The following FRMD4A variants were observed in gnomAD, a reference collection of about 807,000 sequenced individuals.
FRMD4A encodes the protein FERM domain containing 4A, also known as FERM domain-containing protein 4A.
In FRMD4A, 29 loss-of-function variants were observed where a neutral mutation model predicts 129.1. That is an observed-to-expected ratio of 0.22 (90% CI 0.17 to 0.31). The LOEUF (loss-of-function observed/expected upper bound fraction) is 0.31. FRMD4A is among the 10% of genes least tolerant of loss of function. FRMD4A has a pLI of 1.00. For synonymous variants in FRMD4A, 634 were observed against 571.6 expected, an observed-to-expected ratio of 1.11 and a Z score of -1.56; for missense variants, 1,272 against 1,375.8, an observed-to-expected ratio of 0.92 and a Z score of 1.19.
At chr10:14,101,442 T>C (rs1837296380) in intron 2 of FRMD4A, among the ~76,000 whole-genome samples, 2 of 152,190 alleles carry the variant, frequency 1.3e-5, no homozygotes, top group Admixed American at 1.3e-4. Flanking sequence ...CCCTAGATAC[T>C]CACCATTGGC....
chr10:14,055,716 G>A (rs1443005226), intron 2 of FRMD4A, among the ~76,000 whole-genome samples: 1 of 152,138 alleles, frequency 6.6e-6, no homozygotes, highest in African/African-American at 2.4e-5. Context: ...GTCCATAGTA[G>A]GTGTATATAT....
intron 2 of FRMD4A, among the ~76,000 whole-genome samples, chr10:13,910,905 A>G (rs2094934431): frequency 7.8e-5 from 1 of 12,884 alleles, no homozygotes; most frequent in Non-Finnish European, 2.4e-4. Flanking sequence ...AAAAAAAAAA[A>G]AAAAAAAAAA....
At chr10:13,931,560 C>T (rs2095195235) in intron 2 of FRMD4A, among the ~76,000 whole-genome samples, 1 of 152,128 alleles carries the variant, frequency 6.6e-6, no homozygotes, top group Non-Finnish European at 1.5e-5. Context: ...TGCTACTACC[C>T]TGTGCAGTAA....
intron 2 of FRMD4A, among the ~76,000 whole-genome samples, chr10:14,252,345 T>C (rs1170652031): frequency 1.3e-5 from 2 of 152,208 alleles, no homozygotes; most frequent in African/African-American, 2.4e-5. Flanking sequence ...TTTTTGCCAA[T>C]TGGACAAAAG....
At chr10:13,959,292 T>G (rs961921788) in intron 2 of FRMD4A, among the ~76,000 whole-genome samples, 1 of 151,926 alleles carries the variant, frequency 6.6e-6, no homozygotes, top group African/African-American at 2.4e-5. Flanking sequence ...ACCAATATGG[T>G]GAAACCCTAT....
intron 12 of FRMD4A, among the ~76,000 whole-genome samples, chr10:13,714,050 A>ATAAAATATATATT (rs2088504809): frequency 6.1e-5 from 2 of 32,890 alleles, no homozygotes; most frequent in Non-Finnish European, 1.2e-4. Context: ...ATATATATAT[A>ATAAAATATATATT]TATATATATA....
chr10:13,968,988 T>C (rs1238200602), intron 2 of FRMD4A, among the ~76,000 whole-genome samples: 1 of 152,206 alleles, frequency 6.6e-6, no homozygotes, highest in East Asian at 1.9e-4. Flanking sequence ...GGCCCATGTA[T>C]TATTACAGAT....
At chr10:13,968,272 G>A (rs1466147809) in intron 2 of FRMD4A, among the ~76,000 whole-genome samples, 2 of 152,122 alleles carry the variant, frequency 1.3e-5, no homozygotes, top group Admixed American at 6.5e-5. Flanking sequence ...ATCAGCCATC[G>A]CCTTAGCCAA....
At chr10:13,862,004 T>G (rs2094301377) in intron 2 of FRMD4A, among the ~76,000 whole-genome samples, 1 of 152,210 alleles carries the variant, frequency 6.6e-6, no homozygotes, top group African/African-American at 2.4e-5. Context: ...CGAGCTACGC[T>G]GATTCAGTTC....
chr10:14,064,505 C>G (rs1004551546), intron 2 of FRMD4A, among the ~76,000 whole-genome samples: 1 of 152,218 alleles, frequency 6.6e-6, no homozygotes, highest in Non-Finnish European at 1.5e-5. Context: ...TCTGCGTGAA[C>G]TTTTCCAGGC....
chr10:14,077,550 C>G lies in FRMD4A; in HGVS notation c.46-218638G>C, dbSNP rs890124127. Among the ~76,000 whole-genome samples the G allele has an allele frequency of 1.6e-4, 25 of 152,250 alleles. 1 individual carries two copies. Among genetic ancestry groups the G allele is most frequent in the Admixed American group, 1.4e-3 (22 of 15,292 alleles). On this transcript the variant is annotated intron_variant, in intron 2 of 24. Coordinates refer to ENST00000357447, the MANE Select transcript of FRMD4A (RefSeq NM_018027.5). ...TTATTATTAGTATTGGCAAAAATGT[C>G]CATTTCTGCACCCCCTTCCATTTGA... is the stretch of plus-strand genomic sequence containing the variant.
chr10:14,091,537 G>A (rs1024289552), intron 2 of FRMD4A, among the ~76,000 whole-genome samples: 2 of 152,118 alleles, frequency 1.3e-5, no homozygotes, highest in African/African-American at 4.8e-5. Context: ...GGGTTTAAGC[G>A]ATCCTTCTGC....
chr10:13,900,688 G>A (rs2094809460), intron 2 of FRMD4A, among the ~76,000 whole-genome samples: 1 of 152,088 alleles, frequency 6.6e-6, no homozygotes, highest in Non-Finnish European at 1.5e-5. Context: ...ATTGAGGTCA[G>A]GAGTTTGAGA....
intron 2 of FRMD4A, among the ~76,000 whole-genome samples, chr10:13,929,576 A>C (rs1179215477): frequency 1.3e-5 from 2 of 152,180 alleles, no homozygotes; most frequent in Non-Finnish European, 2.9e-5. Context: ...TAAAACCTGG[A>C]ATTTAGGCTT....
chr10:14,014,439 G>A (rs963911458), intron 2 of FRMD4A, among the ~76,000 whole-genome samples: 1 of 152,144 alleles, frequency 6.6e-6, no homozygotes, highest in African/African-American at 2.4e-5. Flanking sequence ...AAAATTCCTA[G>A]AGCAGGAGGG....
At position 13,810,813 on chromosome 10, in the gene FRMD4A, C is replaced by A; in HGVS notation, c.206+1G>T. 2 of 1,508,826 alleles carry A rather than the reference C, an allele frequency of 1.3e-6. No individual in the cohort carries two copies. The highest frequency in any genetic ancestry group is 1.8e-6 in the Non-Finnish European group (2 of 1,085,300). 93.5% of individuals were successfully genotyped at this position (1,508,826 alleles called of 1,614,324 possible). A position where few individuals can be genotyped will look rare whatever the true frequency, so the allele number is the denominator to read the frequency against. ...CTGTGAGGGCTCAAGGCAGTACTTA[C>A]GTTTCATCTGTGAATGCTATTCCAA... On this transcript the variant is annotated splice_donor_variant, in intron 4 of 24. Transcript: ENST00000357447. LOFTEE classifies it high-confidence loss of function.
At chr10:14,077,721 G>T (rs3101357) in intron 2 of FRMD4A, among the ~76,000 whole-genome samples, 71,523 of 152,032 alleles carry the variant, frequency 0.47, 18,161 homozygotes, top group African/African-American at 0.65. Flanking sequence ...AATGCATTAA[G>T]TTTTAGAAGG....
intron 13 of FRMD4A, among the ~76,000 whole-genome samples, chr10:13,702,244 T>C (rs1407938499): frequency 6.6e-6 from 1 of 152,146 alleles, no homozygotes; most frequent in Non-Finnish European, 1.5e-5. Context: ...GCTACTTTTT[T>C]GTATTTTTAG....
Position 14,275,194 on chromosome 10 carries a change from C to G in FRMD4A, c.45+54864G>C, listed in dbSNP as rs375888991. On this transcript the variant is annotated intron_variant, in intron 2 of 24. Coordinates refer to ENST00000357447, the MANE Select transcript of FRMD4A (RefSeq NM_018027.5). ...TTCATGGAGACCATACAGGAAGCCT[C>G]TCTTGACTCTGACCTCCCAGGACTT... 3.2e-4 allele frequency among the ~76,000 whole-genome samples: 48 copies of G among 152,336 alleles called. No individual in the cohort carries two copies. The South Asian group carries it at 9.7e-3, about 31-fold the overall frequency.
Sources: allele counts gnomAD v4.1 joint callset (sites outside exome capture counted in the v4.1 genomes callset), GRCh38; gene constraint gnomAD v4.1.1; transcripts MANE v1.5; gene names NCBI Gene and HGNC (gene_info 2026-07-23, HGNC 2026-07-21).